Variants in ROS1 observed in about 807,000 individuals in gnomAD.
ROS1 encodes the protein proto-oncogene tyrosine-protein kinase ROS.
A neutral mutation model predicts 273.5 loss-of-function variants in ROS1; 263 were observed. The observed-to-expected ratio is 0.96, with a 90% CI of 0.87 to 1.06. The LOEUF is 1.06. Among genes scored for constraint, ROS1 ranks in the 50% least tolerant of loss-of-function variants. ROS1 has a pLI of 0.00. For missense variants in ROS1, 2,833 were observed against 2,751.1 expected, an observed-to-expected ratio of 1.03 and a Z score of -0.67; for synonymous variants, 1,008 against 954.1, an observed-to-expected ratio of 1.06 and a Z score of -1.04.
intron 34 of ROS1, among the ~76,000 whole-genome samples, chr6:117,324,881 G>A (rs1361669073): frequency 6.6e-6 from 1 of 152,040 alleles, no homozygotes; most frequent in East Asian, 1.9e-4. Context: ...CCAGAGTCTG[G>A]CAAACTATGG....
rs1779911466 is a variant in ROS1 at position 117,362,778 on chromosome 6, C to T, written c.3191G>A (p.Trp1064Ter). 1.9e-6 allele frequency: 3 copies of T among 1,613,460 alleles called. No homozygotes were observed. The highest frequency in any genetic ancestry group is 2.2e-5 in the South Asian group (2 of 91,044). Residue 1064 changes from tryptophan (W) to a stop codon, truncating the protein, a stop_gained, in exon 22 of 44, where the codon TGG becomes TAG. Coordinates refer to ENST00000368507, the MANE Select transcript of ROS1 (RefSeq NM_001378902.1). LOFTEE classifies it high-confidence loss of function. ...CCCATTTTCATGCTTAGGTTTGTTC[C>T]ACCTAAATTCCACCACAACTTCATT... The part of the protein sequence containing the change: ...NKNEVVVEFR[W>*]NKPKHENGVL...
At chr6:117,320,090 G>C (rs2128559398) in intron 36 of ROS1, 60 bp from the exon 37 acceptor site, 1 of 1,446,852 alleles carries the variant, frequency 6.9e-7, no homozygotes, top group Non-Finnish European at 9.6e-7. Context: ...GTACAAGTTT[G>C]TGTTGGTATT....
intron 1 of ROS1, among the ~76,000 whole-genome samples, chr6:117,423,089 T>C (rs990554197): frequency 2.0e-5 from 3 of 152,050 alleles, no homozygotes; most frequent in Non-Finnish European, 4.4e-5. Context: ...ATGTTCTCAC[T>C]GATAAGTGGG....
chr6:117,403,327 AT>A lies in ROS1; in HGVS notation c.466-51del, dbSNP rs1273462146. The A allele has an allele frequency of 1.9e-5, 30 of 1,570,582 alleles. No homozygotes were observed. The Admixed American group carries it at 5.5e-4, about 29-fold the overall frequency. On this transcript the variant is annotated intron_variant, in intron 6 of 43. Transcript: ENST00000368507. ...CAGCATTATAGAATCAGCACCCCAC[AT>A]TGGGACTAAAAAGCATAGATTAATT...
chr6:117,360,239 G>A (rs1243698722), intron 23 of ROS1, 103 bp downstream of exon 23: 2 of 915,922 alleles, frequency 2.2e-6, no homozygotes, highest in Non-Finnish European at 3.3e-6. Flanking sequence ...CTTTAGCAAA[G>A]AGACAGTGTT....
intron 18 of ROS1, among the ~76,000 whole-genome samples, chr6:117,367,651 CAGAT>C (rs1379375972): frequency 6.6e-6 from 1 of 152,164 alleles, no homozygotes; most frequent in Non-Finnish European, 1.5e-5. Context: ...TCTTCAGAAA[CAGAT>C]AGAACTGCAT....
intron 43 of ROS1, 26 bp from the exon 44 acceptor site, chr6:117,288,828 CT>C (rs748310709): frequency 1.3e-6 from 2 of 1,530,026 alleles, no homozygotes; most frequent in Non-Finnish European, 1.8e-6. Flanking sequence ...GAATGTTATT[CT>C]AGCATGTATT....
intron 17 of ROS1, among the ~76,000 whole-genome samples, chr6:117,381,084 G>A (rs1771276637): frequency 6.6e-6 from 1 of 151,906 alleles, no homozygotes; most frequent in African/African-American, 2.4e-5. Flanking sequence ...TGTCACTAAG[G>A]GAGTCAGATA....
intron 33 of ROS1, 43 bp from the exon 34 acceptor site, chr6:117,326,457 C>T (rs1776653318): frequency 8.5e-7 from 1 of 1,179,768 alleles, no homozygotes; most frequent in Non-Finnish European, 1.2e-6. Flanking sequence ...TGACAATATA[C>T]CTGTTATTTC....
In ROS1 at chr6:117,301,142, A is replaced by C. The variant is rs1379797871; in HGVS notation, c.6552-5T>G. ...CACTGGGTCATTAAATTCCACCTAA[A>C]TATATGGGGAAAGATGGGAAAGTAA... On this transcript the variant is annotated splice_region_variant and splice_polypyrimidine_tract_variant and intron_variant, in intron 42 of 43. Transcript: ENST00000368507. 1 of 1,574,954 alleles carries C rather than the reference A, an allele frequency of 6.3e-7. No homozygotes were observed.
intron 5 of ROS1, among the ~76,000 whole-genome samples, chr6:117,405,921 C>A (rs1774361858): frequency 6.6e-6 from 1 of 152,160 alleles, no homozygotes; most frequent in Non-Finnish European, 1.5e-5. Context: ...GTATGTATAA[C>A]TCTGAGGACA....
chr6:117,392,993 G>A (rs1773187545), intron 12 of ROS1, among the ~76,000 whole-genome samples: 1 of 152,098 alleles, frequency 6.6e-6, no homozygotes, highest in Admixed American at 6.6e-5. Flanking sequence ...CCCATATTTG[G>A]CTGTGAAGGA....
rs370903490 is a variant in ROS1 at position 117,379,146 on chromosome 6, G to T, written c.2495C>A (p.Thr832Asn). ...WFSGKKVIALTLDLSDGLLYW... is the reference protein window; with the variant it reads ...WFSGKKVIALNLDLSDGLLYW... Reference sequence around the variant, plus strand: ...CAGGAGCCCATCACTGAGGTCTAAAGTTAGAGCAATTACCTAAGTAGAAAG... The same window carrying T: ...CAGGAGCCCATCACTGAGGTCTAAATTTAGAGCAATTACCTAAGTAGAAAG... The change falls in exon 18 of 44, where the codon ACT becomes AAT. Residue 832 changes from threonine (T) to asparagine (N), a missense_variant. Thr to Asn is a moderately conservative substitution (Grantham distance 65). Coordinates refer to ENST00000368507, the MANE Select transcript of ROS1 (RefSeq NM_001378902.1). 6.2e-6 allele frequency: 10 copies of T among 1,609,456 alleles called. No individual in the cohort carries two copies. Among genetic ancestry groups the T allele is most frequent in the Non-Finnish European group, 7.7e-6 (9 of 1,176,250 alleles).
At chr6:117,324,887 T>C (rs1776528073) in intron 34 of ROS1, among the ~76,000 whole-genome samples, 1 of 152,156 alleles carries the variant, frequency 6.6e-6, no homozygotes, top group Admixed American at 6.6e-5. Context: ...TCTGGCAAAC[T>C]ATGGCATGAG....
rs12206302 is a variant in ROS1, at chr6:117,328,090, C to A, written c.5348+1239G>T. ...AGTTGGTGGTCCTTTATTGTGGCAA[C>A]CCTTGGAAACTAATAAGGCTTGTTC... On this transcript the variant is annotated intron_variant, in intron 33 of 43. Transcript: ENST00000368507. 7.4e-3 allele frequency among the ~76,000 whole-genome samples: 1,128 copies of A among 152,266 alleles called. 7 individuals are homozygous for A. The highest frequency in any genetic ancestry group is 0.024 in the Middle Eastern group (7 of 294).
intron 43 of ROS1, among the ~76,000 whole-genome samples, chr6:117,295,495 C>T (rs947537695): frequency 6.6e-6 from 1 of 152,072 alleles, no homozygotes; most frequent in Admixed American, 6.6e-5. Context: ...AATGGGATCA[C>T]ATCAAATTTA....
In ROS1 at chr6:117,404,269, G is replaced by A; in HGVS notation, c.465+11C>T. 1 of 1,611,752 alleles carries A rather than the reference G, an allele frequency of 6.2e-7. No homozygotes were observed. The highest frequency in any genetic ancestry group is 1.1e-5 in the South Asian group (1 of 90,638). On this transcript the variant is annotated intron_variant, in intron 6 of 43. Transcript: ENST00000368507. ...GGGTCTGGGTTGAGGTACAAAGGCA[G>A]CCTTTCATACCTTAGTATAAGTCCA...
At chr6:117,296,093 G>A (rs1029690134) in intron 43 of ROS1, among the ~76,000 whole-genome samples, 4 of 152,142 alleles carry the variant, frequency 2.6e-5, no homozygotes, top group Non-Finnish European at 4.4e-5. Flanking sequence ...CAACCTAAGT[G>A]TCCATCTGTA....
chr6:117,328,182 G>A (rs921073639), intron 33 of ROS1, among the ~76,000 whole-genome samples: 1 of 152,152 alleles, frequency 6.6e-6, no homozygotes, highest in Non-Finnish European at 1.5e-5. Context: ...TCTAACTAGA[G>A]TGTCCTGACT....
Sources: allele counts gnomAD v4.1 joint callset (sites outside exome capture counted in the v4.1 genomes callset), GRCh38; gene constraint gnomAD v4.1.1; transcripts MANE v1.5; gene names NCBI Gene and HGNC (gene_info 2026-07-23, HGNC 2026-07-21).